Variants in ANO6 observed in about 807,000 individuals in gnomAD.
The protein encoded by ANO6 is anoctamin 6.
In ANO6, 106 loss-of-function variants were observed where a neutral mutation model predicts 117.5. The ratio of observed to expected loss-of-function variants is 0.90; its 90% confidence interval spans 0.77 to 1.06. ANO6 has a LOEUF of 1.06. Ranked by LOEUF, ANO6 falls within the 50% of genes least tolerant of loss-of-function variation. ANO6 has a pLI of 0.00. For missense variants in ANO6, 955 were observed against 1,121.1 expected (o/e 0.85, Z 2.12); for synonymous variants, 367 against 385.1 (o/e 0.95, Z 0.55).
intron 1 of ANO6, chr12:45,228,123 G>GTTTTT (rs57127691): frequency 1.7e-4 from 47 of 283,944 alleles, no homozygotes; most frequent in Admixed American, 2.6e-4. Flanking sequence ...TTTTTGTGTT[G>GTTTTT]TTTTTTTTTT....
In ANO6 at chr12:45,390,464, G is replaced by T. The variant is rs759903940; in HGVS notation, c.1352G>T (p.Arg451Leu). Reference protein sequence around the residue: ...IPFTAWGKCIRITLCASAVFF... With the variant: ...IPFTAWGKCILITLCASAVFF... The stretch of plus-strand genomic sequence containing the variant: ...TTTACTGCCTGGGGAAAATGTATAC[G>T]GATAACCCTCTGTGCCAGTGCTGTC... Residue 451 changes from arginine (R) to leucine (L), a missense_variant, in exon 12 of 20, where the codon CGG becomes CTG. Arg to Leu is a moderately radical substitution (Grantham distance 102, BLOSUM62 -2). Transcript: ENST00000320560. 1.9e-6 allele frequency: 3 copies of T among 1,613,706 alleles called. No homozygotes were observed. The African/African-American group carries it at 4.0e-5, about 22-fold the overall frequency.
chr12:45,440,107 T>G, exon 20 of ANO6: 1 of 580,184 alleles, frequency 1.7e-6, no homozygotes, highest in Non-Finnish European at 2.6e-6. Flanking sequence ...CCCACAAGCT[T>G]TTATATGTAT....
intron 2 of ANO6, chr12:45,313,400 G>C (rs1479018449): frequency 6.6e-6 from 1 of 151,984 alleles, no homozygotes; most frequent in Non-Finnish European, 1.5e-5. Context: ...TTCAGTGACT[G>C]CACGGTGACT....
intron 9 of ANO6, among the ~76,000 whole-genome samples, chr12:45,371,848 A>G (rs1225770605): frequency 6.6e-6 from 1 of 152,238 alleles, no homozygotes; most frequent in Non-Finnish European, 1.5e-5. Context: ...GCAACGGAAC[A>G]AAGCTGGATG....
chr12:45,239,666 T>A (rs971152206), intron 1 of ANO6, among the ~76,000 whole-genome samples: 1 of 152,240 alleles, frequency 6.6e-6, no homozygotes, highest in Admixed American at 6.5e-5. Context: ...TCTTTCCTGC[T>A]TTCTCTTGTG....
intron 10 of ANO6, among the ~76,000 whole-genome samples, chr12:45,379,869 T>G (rs2137551079): frequency 6.6e-6 from 1 of 152,350 alleles, no homozygotes; most frequent in African/African-American, 2.4e-5. Flanking sequence ...TAGCATCGTA[T>G]GTATATTTTT....
chr12:45,320,752 T>G (rs1018520477), intron 2 of ANO6, among the ~76,000 whole-genome samples: 3 of 152,206 alleles, frequency 2.0e-5, no homozygotes, highest in Non-Finnish European at 4.4e-5. Flanking sequence ...TGTGGGTGTC[T>G]AAGTCTCTTT....
rs180992696 is a variant in ANO6 at position 45,416,612 on chromosome 12, G to A, written c.2012-87G>A. 63 of 1,268,060 alleles carry A rather than the reference G, an allele frequency of 5.0e-5. No homozygotes were observed. The African/African-American group carries it at 8.3e-4, about 17-fold the overall frequency. 78.6% of individuals were successfully genotyped at this position (1,268,060 alleles called of 1,614,324 possible). On this transcript the variant is annotated intron_variant, in intron 16 of 19. Transcript: ENST00000320560. ...GTGTTTTCTCTCTGGGATTTAGTTC[G>A]TTTGCCTTTCTCTTTCAAGAGTAAA...
At chr12:45,278,690 T>G in intron 1 of ANO6, among the ~76,000 whole-genome samples, 1 of 152,236 alleles carries the variant, frequency 6.6e-6, no homozygotes, top group East Asian at 1.9e-4. Flanking sequence ...CTTTTTCATG[T>G]GATTTCTCCC....
chr12:45,296,651 A>T (rs947755405), intron 1 of ANO6, among the ~76,000 whole-genome samples: 1 of 152,174 alleles, frequency 6.6e-6, no homozygotes, highest in African/African-American at 2.4e-5. Flanking sequence ...TATATCTAAC[A>T]TCAGGAGTTC....
At chr12:45,397,553 C>G (rs1422294679) in intron 12 of ANO6, among the ~76,000 whole-genome samples, 1 of 152,174 alleles carries the variant, frequency 6.6e-6, no homozygotes, top group East Asian at 1.9e-4. Context: ...TATTGCAGCA[C>G]TATTCACAAT....
In ANO6 at chr12:45,429,523, G is replaced by A. The variant is rs546679917; in HGVS notation, c.*212G>A. On this transcript the variant is annotated 3_prime_UTR_variant, in exon 20 of 20. Transcript: ENST00000320560. ...ATGAAGGGCATAAAACTTATCACCC[G>A]GAAAACCTCAATGTTACCTTTTTCT... 3.9e-4 allele frequency: 537 copies of A among 1,367,996 alleles called. 4 individuals carry two copies. In the South Asian group the frequency reaches 6.9e-3, roughly 17 times the overall value. The allele number at this position is 1,367,996 out of a possible 1,614,324, so 84.7% of individuals were successfully genotyped here.
intron 2 of ANO6, among the ~76,000 whole-genome samples, chr12:45,315,824 C>A (rs562757349): frequency 6.6e-6 from 1 of 152,190 alleles, no homozygotes; most frequent in South Asian, 2.1e-4. Flanking sequence ...ATCTTTGACA[C>A]CCTGTTGATA....
intron 1 of ANO6, among the ~76,000 whole-genome samples, chr12:45,261,549 CATG>C (rs1938034722): frequency 6.6e-6 from 1 of 152,230 alleles, no homozygotes; most frequent in African/African-American, 2.4e-5. Flanking sequence ...CAGTTGTATG[CATG>C]ATAAGTGGCA....
intron 2 of ANO6, among the ~76,000 whole-genome samples, chr12:45,323,460 A>G (rs1288878915): frequency 6.6e-6 from 1 of 152,252 alleles, no homozygotes; most frequent in Non-Finnish European, 1.5e-5. Context: ...GATGATTATG[A>G]GCTATGTGAA....
chr12:45,375,948 C>T (rs1311253577), intron 9 of ANO6, among the ~76,000 whole-genome samples: 5 of 148,106 alleles, frequency 3.4e-5, no homozygotes, highest in African/African-American at 7.4e-5. Context: ...ATTTTCGCAA[C>T]CTACTCATCT....
At chr12:45,287,269 G>A (rs1033215398) in intron 1 of ANO6, among the ~76,000 whole-genome samples, 8 of 152,138 alleles carry the variant, frequency 5.3e-5, no homozygotes, top group East Asian at 3.9e-4. Flanking sequence ...GGCCGAGTGC[G>A]CAGTGTAATA....
intron 16 of ANO6, among the ~76,000 whole-genome samples, chr12:45,411,315 T>G (rs1943080577): frequency 6.6e-6 from 1 of 152,152 alleles, no homozygotes; most frequent in Non-Finnish European, 1.5e-5. Flanking sequence ...TACAAGAAAG[T>G]ATAGAATAAC....
At chr12:45,224,187 A>G (rs1339784637) in intron 1 of ANO6, among the ~76,000 whole-genome samples, 1 of 152,178 alleles carries the variant, frequency 6.6e-6, no homozygotes, top group African/African-American at 2.4e-5. Flanking sequence ...GACCTTGCCT[A>G]GGGGAATCCA....
Sources: gnomAD v4.1 joint callset for allele counts (sites outside exome capture counted in the v4.1 genomes callset) on GRCh38, gnomAD v4.1.1 for gene constraint, MANE v1.5 for transcripts, NCBI Gene and HGNC (gene_info 2026-07-23, HGNC 2026-07-21) for gene names.